Variants in DPT observed in about 807,000 individuals in gnomAD.
The protein encoded by DPT is dermatopontin.
Under a neutral mutation model 31.2 loss-of-function variants are expected in DPT, and 21 were observed. The observed-to-expected ratio is 0.67, with a 90% CI of 0.48 to 0.97. The LOEUF (loss-of-function observed/expected upper bound fraction) is 0.97. Among genes scored for constraint, DPT ranks in the 50% least tolerant of loss-of-function variants. The pLI is 0.00. For missense variants in DPT, 262 were observed against 258.8 expected (o/e 1.01, Z -0.08); for synonymous variants, 91 against 86.9 (o/e 1.05, Z -0.26).
intron 1 of DPT, among the ~76,000 whole-genome samples, chr1:168,714,553 T>A (rs1443475269): frequency 2.0e-5 from 3 of 152,188 alleles, no homozygotes; most frequent in African/African-American, 7.2e-5. Context: ...ATTTTCTAAC[T>A]GAACAAAATT....
intron 2 of DPT, among the ~76,000 whole-genome samples, chr1:168,704,466 G>A (rs1649671424): frequency 1.3e-5 from 2 of 152,198 alleles, no homozygotes; most frequent in Non-Finnish European, 2.9e-5. Flanking sequence ...AGAATGGCGT[G>A]AACCCGGGAG....
In DPT at chr1:168,725,395, A is replaced by G. The variant is rs571286901; in HGVS notation, c.305+3475T>C. Among the ~76,000 whole-genome samples, 23 of 151,496 alleles carry G rather than the reference A, an allele frequency of 1.5e-4. No homozygotes were observed. The East Asian group carries it at 4.3e-3, about 28-fold the overall frequency. On this transcript the variant is annotated intron_variant, in intron 1 of 3. Transcript: ENST00000367817. ...GAATGAGATACCGAATGTCACAGATACAAGCAGGAGCTGTGAATCCAGGTT... is the reference window on the plus strand; with the variant it reads ...GAATGAGATACCGAATGTCACAGATGCAAGCAGGAGCTGTGAATCCAGGTT...
chr1:168,727,467 T>A (rs1485069341), intron 1 of DPT, among the ~76,000 whole-genome samples: 1 of 152,132 alleles, frequency 6.6e-6, no homozygotes, highest in Non-Finnish European at 1.5e-5. Context: ...TTTCTTCCTC[T>A]TGGATTTCCC....
intron 1 of DPT, among the ~76,000 whole-genome samples, chr1:168,720,096 C>T (rs1232808238): frequency 6.6e-6 from 1 of 151,974 alleles, no homozygotes; most frequent in Non-Finnish European, 1.5e-5. Flanking sequence ...GAGGAATCAG[C>T]AGACATGAGT....
At chr1:168,699,586 CTTTT>C (rs75395550) in intron 3 of DPT, among the ~76,000 whole-genome samples, 1 of 130,376 alleles carries the variant, frequency 7.7e-6, no homozygotes, top group African/African-American at 2.9e-5. Flanking sequence ...TACTTAATGT[CTTTT>C]TTTTTTTTTA....
At chr1:168,707,258 C>T (rs1649741822) in intron 2 of DPT, among the ~76,000 whole-genome samples, 1 of 152,098 alleles carries the variant, frequency 6.6e-6, no homozygotes, top group South Asian at 2.1e-4. Context: ...TTATTATTAT[C>T]ATCATTATCA....
chr1:168,729,072 C>A lies in DPT; in HGVS notation c.103G>T (p.Asp35Tyr). The change falls in exon 1 of 4, where the codon GAT (aspartate) becomes TAT (tyrosine). Residue 35 changes from aspartate to tyrosine, a missense_variant. By Grantham distance (160) the Asp-to-Tyr change is radical. Coordinates refer to ENST00000367817, the MANE Select transcript of DPT (RefSeq NM_001937.5). ...CGGTTCAAATTCACCCACCCATCAT[C>A]GCTGTAGTCATGATACTGCTGGTAT... ...YPYQQYHDYS[D>Y]DGWVNLNRQG... 1.2e-6 allele frequency: 2 copies of A among 1,614,228 alleles called. No individual in the cohort carries two copies. Among genetic ancestry groups the A allele is most frequent in the Non-Finnish European group, 1.7e-6 (2 of 1,180,044 alleles).
In DPT at chr1:168,714,338, G is replaced by C. The variant is rs147509376; in HGVS notation, c.314C>G (p.Thr105Arg). 1.7e-5 allele frequency: 28 copies of C among 1,613,942 alleles called. No homozygotes were observed. The African/African-American group carries it at 3.5e-4, about 20-fold the overall frequency. The change falls in exon 2 of 4, where the codon ACG becomes AGG. Residue 105 changes from threonine (T) to arginine (R), a missense_variant. Physicochemically the swap from Thr to Arg is moderately conservative, Grantham distance 71. Transcript: ENST00000367817. The part of the protein sequence containing the change: ...INRAGMEWYQ[T>R]CSNNGLVAGF... Reference sequence around the variant, plus strand: ...TGCCACCAGCCCATTGTTGGAGCACGTCTGGTACCTGAAGAGAAGACAACC... The same window carrying C: ...TGCCACCAGCCCATTGTTGGAGCACCTCTGGTACCTGAAGAGAAGACAACC...
intron 2 of DPT, among the ~76,000 whole-genome samples, chr1:168,710,471 G>C (rs1649827244): frequency 6.6e-6 from 1 of 152,134 alleles, no homozygotes; most frequent in South Asian, 2.1e-4. Context: ...ATGGGGGTTG[G>C]GGTGGGTTCA....
intron 1 of DPT, among the ~76,000 whole-genome samples, chr1:168,721,736 C>T (rs553390033): frequency 6.6e-6 from 1 of 152,314 alleles, no homozygotes; most frequent in Non-Finnish European, 1.5e-5. Context: ...ACTGAGTAGC[C>T]TCATGGGGCT....
intron 2 of DPT, among the ~76,000 whole-genome samples, chr1:168,701,398 C>A (rs920149964): frequency 6.6e-6 from 1 of 152,112 alleles, no homozygotes; most frequent in Non-Finnish European, 1.5e-5. Context: ...CTTTGGAATT[C>A]TTGATATTGA....
chr1:168,718,212 TG>T (rs1388149848), intron 1 of DPT, among the ~76,000 whole-genome samples: 5 of 152,236 alleles, frequency 3.3e-5, no homozygotes, highest in Non-Finnish European at 5.9e-5. Flanking sequence ...AGAGCTCCCA[TG>T]GGGGTAAGTT....
chr1:168,697,536 G>T (rs1649491369), intron 3 of DPT, among the ~76,000 whole-genome samples: 1 of 152,160 alleles, frequency 6.6e-6, no homozygotes, highest in Non-Finnish European at 1.5e-5. Context: ...ACTAAATTTT[G>T]AAAAATGTGG....
intron 2 of DPT, 135 bp from the exon 3 acceptor site, chr1:168,701,259 C>T: frequency 2.9e-6 from 2 of 683,332 alleles, no homozygotes; most frequent in Admixed American, 2.3e-5. Flanking sequence ...ATGACATCCA[C>T]CAAACAACTC....
At chr1:168,702,920 G>A (rs1199069280) in intron 2 of DPT, among the ~76,000 whole-genome samples, 1 of 152,092 alleles carries the variant, frequency 6.6e-6, no homozygotes, top group Non-Finnish European at 1.5e-5. Context: ...CATGGTAAAT[G>A]TCTTATAAGT....
chr1:168,713,507 CAGAA>C (rs1649910933), intron 2 of DPT, among the ~76,000 whole-genome samples: 1 of 152,154 alleles, frequency 6.6e-6, no homozygotes, highest in South Asian at 2.1e-4. Context: ...TTGCCCAAGG[CAGAA>C]ATGCCTGGCT....
At chr1:168,704,840 T>A (rs1649683541) in intron 2 of DPT, among the ~76,000 whole-genome samples, 2 of 152,218 alleles carry the variant, frequency 1.3e-5, no homozygotes, top group South Asian at 4.1e-4. Flanking sequence ...AATTTTAAGA[T>A]TGATATAGGA....
chr1:168,722,873 C>T (rs55811927), intron 1 of DPT, among the ~76,000 whole-genome samples: 2 of 111,928 alleles, frequency 1.8e-5, no homozygotes, highest in South Asian at 3.4e-4. Flanking sequence ...CACACACACA[C>T]ACACACACAC....
At chr1:168,701,170 A>T (rs1283208000) in intron 2 of DPT, 46 bp from the exon 3 acceptor site, 1 of 1,415,700 alleles carries the variant, frequency 7.1e-7, no homozygotes, top group Middle Eastern at 1.8e-4. Context: ...ACACATTATT[A>T]TTGCTGGGAG....
Sources: gnomAD v4.1 joint callset for allele counts (sites outside exome capture counted in the v4.1 genomes callset) on GRCh38, gnomAD v4.1.1 for gene constraint, MANE v1.5 for transcripts, NCBI Gene and HGNC (gene_info 2026-07-23, HGNC 2026-07-21) for gene names.